ZNRF1: variants seen among roughly 807,000 people sequenced by gnomAD.
ZNRF1 encodes the protein zinc and ring finger 1.
In ZNRF1, 3 loss-of-function variants were observed where a neutral mutation model predicts 18.4. The observed-to-expected ratio is 0.16, with a 90% CI of 0.07 to 0.42. The LOEUF (loss-of-function observed/expected upper bound fraction) is 0.42. Among genes scored for constraint, ZNRF1 ranks in the 10% least tolerant of loss-of-function variants. ZNRF1 has a pLI of 0.99. For missense variants in ZNRF1, 310 were observed against 329.8 expected (o/e 0.94, Z 0.47); for synonymous variants, 157 against 144.2 (o/e 1.09, Z -0.64).
At chr16:75,003,047 G>A (rs1387335581) in intron 1 of ZNRF1, among the ~76,000 whole-genome samples, 9 of 152,158 alleles carry the variant, frequency 5.9e-5, no homozygotes, top group African/African-American at 1.4e-4. Flanking sequence ...TCCGCCTCCC[G>A]GGTTCAAGCA....
chr16:75,095,925 T>C (rs1334723681), intron 2 of ZNRF1, among the ~76,000 whole-genome samples: 1 of 152,078 alleles, frequency 6.6e-6, no homozygotes, highest in Non-Finnish European at 1.5e-5. Context: ...GGGCCCCCCT[T>C]AGAGGAAGGG....
At chr16:75,077,521 ATT>A (rs2035955303) in intron 1 of ZNRF1, among the ~76,000 whole-genome samples, 3 of 152,256 alleles carry the variant, frequency 2.0e-5, no homozygotes, top group African/African-American at 7.2e-5. Context: ...ACAGAGCGAG[ATT>A]CCGTCTCAAA....
intron 1 of ZNRF1, among the ~76,000 whole-genome samples, chr16:75,047,957 C>T (rs964940071): frequency 1.4e-4 from 21 of 147,344 alleles, no homozygotes; most frequent in Non-Finnish European, 3.1e-4. Flanking sequence ...CCTCATCATT[C>T]TTTTTTTTTT....
At chr16:75,025,074 A>T (rs7187809) in intron 1 of ZNRF1, among the ~76,000 whole-genome samples, 28,143 of 151,812 alleles carry the variant, frequency 0.19, 6,388 homozygotes, top group African/African-American at 0.54. Flanking sequence ...TTAATTAATT[A>T]ATTTATTTTT....
At chr16:75,007,543 C>A (rs1356716834) in intron 1 of ZNRF1, among the ~76,000 whole-genome samples, 1 of 152,078 alleles carries the variant, frequency 6.6e-6, no homozygotes, top group African/African-American at 2.4e-5. Context: ...TTTATAGTGA[C>A]CTCTTGGATC....
intron 1 of ZNRF1, among the ~76,000 whole-genome samples, chr16:75,029,052 A>G (rs972258775): frequency 6.8e-6 from 1 of 145,988 alleles, no homozygotes; most frequent in South Asian, 2.2e-4. Flanking sequence ...TGTATGCTAC[A>G]TGTCCAGCTT....
intron 1 of ZNRF1, among the ~76,000 whole-genome samples, chr16:75,000,915 A>G (rs2034840424): frequency 6.6e-6 from 1 of 152,144 alleles, no homozygotes; most frequent in Non-Finnish European, 1.5e-5. Flanking sequence ...AGGAGGATTC[A>G]GAGAATCTGG....
chr16:75,064,358 C>G (rs1015340542), intron 1 of ZNRF1, among the ~76,000 whole-genome samples: 7 of 151,714 alleles, frequency 4.6e-5, no homozygotes, highest in African/African-American at 1.7e-4. Flanking sequence ...GCATTCAAGA[C>G]CAGCCTGGCC....
intron 1 of ZNRF1, among the ~76,000 whole-genome samples, chr16:75,008,665 A>G (rs2034955743): frequency 1.3e-5 from 2 of 152,154 alleles, no homozygotes; most frequent in African/African-American, 2.4e-5. Flanking sequence ...ACCAGGACCT[A>G]TGGTAGGTGC....
intron 1 of ZNRF1, among the ~76,000 whole-genome samples, chr16:75,076,779 T>C (rs1157602053): frequency 6.6e-6 from 1 of 151,418 alleles, no homozygotes; most frequent in Non-Finnish European, 1.5e-5. Context: ...TAAGTGAGTT[T>C]AGAAGAGGTC....
intron 1 of ZNRF1, among the ~76,000 whole-genome samples, chr16:75,034,733 T>C (rs2035354828): frequency 6.6e-6 from 1 of 152,166 alleles, no homozygotes; most frequent in Non-Finnish European, 1.5e-5. Context: ...TTCAAGTGAT[T>C]CTTATGCCTC....
chr16:75,075,973 G>T (rs949371159), intron 1 of ZNRF1, among the ~76,000 whole-genome samples: 1 of 152,188 alleles, frequency 6.6e-6, no homozygotes, highest in Admixed American at 6.5e-5. Flanking sequence ...GTGAGGTAGA[G>T]AATAGCTTAC....
chr16:75,001,210 A>T (rs1344256059), intron 1 of ZNRF1, among the ~76,000 whole-genome samples: 1 of 152,104 alleles, frequency 6.6e-6, no homozygotes, highest in Non-Finnish European at 1.5e-5. Context: ...TATGGAGGGT[A>T]ATATCTGTTG....
At chr16:75,036,025 T>A (rs8064017) in intron 1 of ZNRF1, among the ~76,000 whole-genome samples, 132,258 of 152,164 alleles carry the variant, frequency 0.87, 58,083 homozygotes, top group Non-Finnish European at 0.93. Context: ...TTAGGGGGAC[T>A]GCTTAACAAC....
At chr16:75,099,838 T>C (rs945374405) in intron 2 of ZNRF1, among the ~76,000 whole-genome samples, 15 of 152,158 alleles carry the variant, frequency 9.9e-5, no homozygotes, top group African/African-American at 2.9e-4. Flanking sequence ...GGAAGTCTTG[T>C]AGGAACCAGT....
At position 75,038,731 on chromosome 16, in the gene ZNRF1, C is replaced by T. The variant is rs569613562; in HGVS notation, c.424+38636C>T. On this transcript the variant is annotated intron_variant, in intron 1 of 4. Transcript: ENST00000335325. ...CAGGAAGTCCTGTGTGTGTGTTCTT[C>T]TAAGCACGATCTGCAGTCTGGCTCT... 2.0e-5 allele frequency among the ~76,000 whole-genome samples: 3 copies of T among 152,314 alleles called. No individual in the cohort carries two copies. In the South Asian group the frequency reaches 6.2e-4, roughly 32 times the overall value.
intron 1 of ZNRF1, among the ~76,000 whole-genome samples, chr16:75,040,141 C>T (rs999109043): frequency 3.4e-5 from 5 of 146,458 alleles, no homozygotes; most frequent in African/African-American, 1.3e-4. Context: ...ACCTTCTAGG[C>T]TCAAGGGATC....
intron 1 of ZNRF1, among the ~76,000 whole-genome samples, chr16:75,029,209 C>T (rs1041618988): frequency 6.6e-6 from 1 of 151,890 alleles, no homozygotes. Context: ...TGCAGTGGCG[C>T]CATCTCAGCT....
chr16:75,075,458 C>T (rs1477997864), intron 1 of ZNRF1, among the ~76,000 whole-genome samples: 1 of 152,238 alleles, frequency 6.6e-6, no homozygotes, highest in African/African-American at 2.4e-5. Flanking sequence ...ACTTAACCCT[C>T]GCTGTGGTAT....
Sources: gnomAD v4.1 joint callset for allele counts (sites outside exome capture counted in the v4.1 genomes callset) on GRCh38, gnomAD v4.1.1 for gene constraint, MANE v1.5 for transcripts, NCBI Gene and HGNC (gene_info 2026-07-23, HGNC 2026-07-21) for gene names.